The following ZNF385D variants were observed in gnomAD, a reference collection of about 807,000 sequenced individuals.
ZNF385D encodes zinc finger protein 659.
Under a neutral mutation model 35.8 loss-of-function variants are expected in ZNF385D, and 15 were observed. That is an observed-to-expected ratio of 0.42 (90% CI 0.28 to 0.64). The LOEUF is 0.64. Among genes scored for constraint, ZNF385D ranks in the 30% least tolerant of loss-of-function variants. The pLI, the probability that ZNF385D is intolerant of heterozygous loss-of-function variation, is 0.23. For synonymous variants in ZNF385D, 212 were observed against 186.8 expected (o/e 1.13, Z -1.10); for missense variants, 474 against 494.6 (o/e 0.96, Z 0.39).
chr3:22,263,381 C>G (rs924813057), intron 2 of ZNF385D, among the ~76,000 whole-genome samples: 1 of 151,994 alleles, frequency 6.6e-6, no homozygotes. Flanking sequence ...ACAAAACTTT[C>G]ATCTTTCAAC....
chr3:22,123,357 G>A (rs900507066), intron 3 of ZNF385D, among the ~76,000 whole-genome samples: 1 of 152,080 alleles, frequency 6.6e-6, no homozygotes, highest in Non-Finnish European at 1.5e-5. Context: ...CATGGTAGAT[G>A]TATATATTTA....
chr3:22,158,767 G>A (rs12489086), intron 3 of ZNF385D, among the ~76,000 whole-genome samples: 19,264 of 151,816 alleles, frequency 0.13, 1,582 homozygotes, highest in Middle Eastern at 0.19. Flanking sequence ...TGCCAGGCCT[G>A]GTGTAGATCT....
At chr3:22,116,259 T>C (rs1186065885) in intron 3 of ZNF385D, among the ~76,000 whole-genome samples, 2 of 152,098 alleles carry the variant, frequency 1.3e-5, no homozygotes, top group Non-Finnish European at 2.9e-5. Context: ...TTCCCGGATG[T>C]CTACATTTGA....
intron 3 of ZNF385D, among the ~76,000 whole-genome samples, chr3:21,559,092 C>A (rs2062847232): frequency 6.6e-6 from 1 of 151,096 alleles, no homozygotes; most frequent in Non-Finnish European, 1.5e-5. Flanking sequence ...CTGAATACAG[C>A]ACACTGATGG....
chr3:21,508,665 T>C (rs1706966427), intron 4 of ZNF385D, among the ~76,000 whole-genome samples: 1 of 152,182 alleles, frequency 6.6e-6, no homozygotes, highest in African/African-American at 2.4e-5. Context: ...CCAACCAATG[T>C]CAGATTACTG....
intron 2 of ZNF385D, among the ~76,000 whole-genome samples, chr3:22,199,759 G>A (rs946976365): frequency 1.3e-5 from 2 of 152,040 alleles, no homozygotes; most frequent in Admixed American, 6.6e-5. Flanking sequence ...ATGGCTAACT[G>A]TAAGGCCAAA....
intron 1 of ZNF385D, among the ~76,000 whole-genome samples, chr3:21,670,972 T>C (rs1294689566): frequency 6.6e-6 from 1 of 152,078 alleles, no homozygotes; most frequent in Non-Finnish European, 1.5e-5. Flanking sequence ...TGAAGGTTTT[T>C]GTGTCCTCTG....
At chr3:22,184,350 GTTTGC>G (rs1260791337) in intron 2 of ZNF385D, among the ~76,000 whole-genome samples, 1 of 151,208 alleles carries the variant, frequency 6.6e-6, no homozygotes, top group African/African-American at 2.4e-5. Flanking sequence ...AAAAATTTTT[GTTTGC>G]TTTGACTTCA....
intron 3 of ZNF385D, among the ~76,000 whole-genome samples, chr3:22,125,453 G>A (rs940519753): frequency 3.9e-5 from 6 of 152,016 alleles, no homozygotes; most frequent in Non-Finnish European, 8.8e-5. Context: ...TGTGAAGATT[G>A]TCAATGCTAT....
At chr3:21,451,451 C>T (rs907403702) in intron 4 of ZNF385D, among the ~76,000 whole-genome samples, 1 of 151,476 alleles carries the variant, frequency 6.6e-6, no homozygotes, top group Non-Finnish European at 1.5e-5. Context: ...ACTTCTTTAA[C>T]TACTTTTATG....
chr3:21,832,833 A>G (rs933703202), intron 3 of ZNF385D, among the ~76,000 whole-genome samples: 1 of 152,230 alleles, frequency 6.6e-6, no homozygotes, highest in Non-Finnish European at 1.5e-5. Context: ...ACTCTTTTTC[A>G]TATTTTCTTC....
chr3:21,473,112 A>G (rs1403576247), intron 4 of ZNF385D, among the ~76,000 whole-genome samples: 2 of 152,024 alleles, frequency 1.3e-5, no homozygotes, highest in Non-Finnish European at 2.9e-5. Context: ...AACCATACTA[A>G]ACATTTGAAA....
intron 3 of ZNF385D, among the ~76,000 whole-genome samples, chr3:21,804,938 T>A (rs1045238348): frequency 6.6e-6 from 1 of 152,220 alleles, no homozygotes; most frequent in Non-Finnish European, 1.5e-5. Context: ...TTATTTCTTA[T>A]GACTAGAAAA....
intron 3 of ZNF385D, among the ~76,000 whole-genome samples, chr3:22,012,765 C>A (rs531633492): frequency 6.6e-6 from 1 of 152,112 alleles, no homozygotes; most frequent in South Asian, 2.1e-4. Context: ...TAAGAACATT[C>A]TCCATAAGCT....
Position 22,248,017 on chromosome 3 carries a change from T to A in ZNF385D, c.107-78982A>T, listed in dbSNP as rs185056531. On this transcript the variant is annotated intron_variant, in intron 2 of 5. Transcript: ENST00000494108. The stretch of plus-strand genomic sequence containing the variant: ...TATAAATAAGTTCACAAAATACATA[T>A]AATAGAGATTTAAGTCAACAAAACA... Among the ~76,000 whole-genome samples the A allele has an allele frequency of 3.9e-5, 6 of 152,272 alleles. No homozygotes were observed. In the East Asian group the frequency reaches 1.2e-3, roughly 29 times the overall value.
At chr3:21,936,608 C>G (rs562958637) in intron 3 of ZNF385D, among the ~76,000 whole-genome samples, 4 of 151,946 alleles carry the variant, frequency 2.6e-5, no homozygotes, top group African/African-American at 9.6e-5. Context: ...TTAAATGTTT[C>G]CTCTACTAGA....
chr3:21,742,312 C>T (rs2069554138), intron 1 of ZNF385D, among the ~76,000 whole-genome samples: 1 of 152,218 alleles, frequency 6.6e-6, no homozygotes, highest in African/African-American at 2.4e-5. Flanking sequence ...GCCAAAAGCT[C>T]TTGAACCATA....
chr3:22,318,045 G>A (rs1186732540), intron 2 of ZNF385D, among the ~76,000 whole-genome samples: 1 of 151,282 alleles, frequency 6.6e-6, no homozygotes, highest in Admixed American at 6.6e-5. Context: ...GCGACAGAGT[G>A]AGACTCGGTT....
At chr3:21,838,162 T>G (rs1347621546) in intron 3 of ZNF385D, among the ~76,000 whole-genome samples, 1 of 152,088 alleles carries the variant, frequency 6.6e-6, no homozygotes, top group African/African-American at 2.4e-5. Context: ...GAACAGGTAT[T>G]GTTACAAAAT....
Sources: allele counts gnomAD v4.1 joint callset (sites outside exome capture counted in the v4.1 genomes callset), GRCh38; gene constraint gnomAD v4.1.1; transcripts MANE v1.5; gene names NCBI Gene and HGNC (gene_info 2026-07-23, HGNC 2026-07-21).